Variants in ADAT2 observed in about 807,000 individuals in gnomAD.
The protein encoded by ADAT2 is adenosine deaminase tRNA specific 2, also known as tRNA-specific adenosine-34 deaminase catalytic subunit ADAT2.
A neutral mutation model predicts 25.9 loss-of-function variants in ADAT2; 26 were observed. The observed-to-expected ratio is 1.00, with a 90% CI of 0.74 to 1.39. The LOEUF is 1.39. Among genes scored for constraint, ADAT2 ranks in the 40% most tolerant of loss-of-function variants. The pLI is 0.00. For missense variants in ADAT2, 220 were observed against 244.8 expected (o/e 0.90, Z 0.68); for synonymous variants, 76 against 86.8 (o/e 0.88, Z 0.69).
chr6:143,433,745 A>G, intron 3 of ADAT2, 86 bp downstream of exon 3: 2 of 1,356,384 alleles, frequency 1.5e-6, no homozygotes, highest in Non-Finnish European at 2.0e-6. Flanking sequence ...CTGTGTTTTC[A>G]TATTTTGGAA....
Position 143,442,947 on chromosome 6 carries a change from A to G in ADAT2, c.97-4253T>C, listed in dbSNP as rs1455252840. ...TTTAACTCCAGCTATACTTTCCCCA[A>G]CAAACCTCTTAAGAGAGGTAATGTT... is the stretch of plus-strand genomic sequence containing the variant. On this transcript the variant is annotated intron_variant, in intron 1 of 5. Coordinates refer to ENST00000237283, the MANE Select transcript of ADAT2 (RefSeq NM_182503.3). The surrounding 1 kb of genome is among the most constrained non-coding windows in gnomAD (Gnocchi z 4.6). 6.6e-6 allele frequency among the ~76,000 whole-genome samples: 1 copy of G among 152,230 alleles called. No homozygotes were observed. Among genetic ancestry groups the G allele is most frequent in the East Asian group, 1.9e-4 (1 of 5,198 alleles).
rs1779339244 is a variant in ADAT2, at chr6:143,437,914, T to C, written c.201+676A>G. 6.6e-6 allele frequency among the ~76,000 whole-genome samples: 1 copy of C among 152,232 alleles called. No individual in the cohort carries two copies. The highest frequency in any genetic ancestry group is 1.5e-5 in the Non-Finnish European group (1 of 68,040). ...CAAGTATACTTATCATGACACACTA[T>C]TGTGATACCATGTTTAAGAAGCATT... On this transcript the variant is annotated intron_variant, in intron 2 of 5. Coordinates refer to ENST00000237283, the MANE Select transcript of ADAT2 (RefSeq NM_182503.3). The surrounding 1 kb of genome is among the most constrained non-coding windows in gnomAD (Gnocchi z 4.1).
In ADAT2 at chr6:143,432,692, C is replaced by T. The variant is rs1306834862; in HGVS notation, c.353-81G>A. On this transcript the variant is annotated intron_variant, in intron 3 of 5. Transcript: ENST00000237283. This position sits in a 1 kb window ranked among gnomAD's most constrained non-coding sequence, Gnocchi z 4.4. The stretch of plus-strand genomic sequence containing the variant: ...AAAATCAGAGTAGGTTTATACCAGC[C>T]ATCCTGGAGAGGAACGCTCATGCTA... 2.2e-6 allele frequency: 3 copies of T among 1,346,962 alleles called. No homozygotes were observed. The highest frequency in any genetic ancestry group is 3.2e-6 in the Non-Finnish European group (3 of 943,020). 83.4% of individuals were successfully genotyped at this position (1,346,962 alleles called of 1,614,324 possible).
chr6:143,450,412 T>G (rs1370284988), intron 1 of ADAT2, 151 bp downstream of exon 1: 1 of 796,524 alleles, frequency 1.3e-6, no homozygotes. Context: ...CTACAGAAAG[T>G]TTCGAGGCAG....
In ADAT2 at chr6:143,444,922, A is replaced by ATTT. The variant is rs1333964246; in HGVS notation, c.96+5640_96+5641insAAA. ...CATGATAAAAGGGGGAGAGATGGAA[A>ATTT]CAGACCTTGTTTGCACACAGTTTGA... On this transcript the variant is annotated intron_variant, in intron 1 of 5. Transcript: ENST00000237283. This position sits in a 1 kb window ranked among gnomAD's most constrained non-coding sequence, Gnocchi z 4.3. The ATTT allele has an allele frequency of 7.7e-7, 1 of 1,302,582 alleles. No individual in the cohort carries two copies. The highest frequency in any genetic ancestry group is 1.5e-5 in the African/African-American group (1 of 65,800). 80.7% of individuals were successfully genotyped at this position (1,302,582 alleles called of 1,614,324 possible). A position where few individuals can be genotyped will look rare whatever the true frequency, so the allele number is the denominator to read the frequency against.
intron 1 of ADAT2, chr6:143,441,829 G>A (rs1400604931): frequency 1.3e-5 from 2 of 152,164 alleles, no homozygotes; most frequent in South Asian, 2.1e-4. Context: ...GTAGAGAAAT[G>A]TCAACTAAAA....
intron 1 of ADAT2, chr6:143,441,905 T>A (rs1221518103): frequency 6.6e-6 from 1 of 152,198 alleles, no homozygotes; most frequent in African/African-American, 2.4e-5. Flanking sequence ...CAACATCAAA[T>A]GCTGGCAAGG....
intron 4 of ADAT2, among the ~76,000 whole-genome samples, chr6:143,431,688 T>C (rs1212522029): frequency 1.3e-5 from 2 of 152,238 alleles, no homozygotes; most frequent in Non-Finnish European, 2.9e-5. Flanking sequence ...TAGTCCTTCA[T>C]AGGTCCTTAA....
At chr6:143,447,185 C>T (rs903180826) in intron 1 of ADAT2, among the ~76,000 whole-genome samples, 14 of 152,312 alleles carry the variant, frequency 9.2e-5, no homozygotes, top group Middle Eastern at 6.8e-3. Flanking sequence ...TGGGTGCTGA[C>T]TACTTGAAAT....
In ADAT2 at chr6:143,424,456, A is replaced by G. The variant is rs1021547860; in HGVS notation, c.*4007T>C. 4 of 152,232 alleles carry G rather than the reference A, an allele frequency of 2.6e-5. No homozygotes were observed. The highest frequency in any genetic ancestry group is 2.6e-4 in the Admixed American group (4 of 15,282). 9.4% of individuals were successfully genotyped at this position (152,232 alleles called of 1,614,324 possible). ...ACATTTTGAAAGTAGCAGTGCTTAC[A>G]ACATTTTAAGTCTAGATGTCTCTAT... On this transcript the variant is annotated 3_prime_UTR_variant, in exon 6 of 6. Transcript: ENST00000237283. This position sits in a 1 kb window ranked among gnomAD's most constrained non-coding sequence, Gnocchi z 4.8.
chr6:143,450,675 G>A lies in ADAT2; in HGVS notation c.-17C>T. The A allele has an allele frequency of 1.2e-6, 2 of 1,611,654 alleles. No homozygotes were observed. The highest frequency in any genetic ancestry group is 1.7e-6 in the Non-Finnish European group (2 of 1,179,514). ...CGCCTCCATACCCAGCCACCACTCAGCTACAGAGCCCGCGGCAGAGGAGGA... is the reference window on the plus strand; with the variant it reads ...CGCCTCCATACCCAGCCACCACTCAACTACAGAGCCCGCGGCAGAGGAGGA... On this transcript the variant is annotated 5_prime_UTR_variant, in exon 1 of 6. Coordinates refer to ENST00000237283, the MANE Select transcript of ADAT2 (RefSeq NM_182503.3).
At chr6:143,443,762 C>A (rs1160762611) in intron 1 of ADAT2, among the ~76,000 whole-genome samples, 1 of 148,532 alleles carries the variant, frequency 6.7e-6, no homozygotes, top group African/African-American at 2.5e-5. Flanking sequence ...ACCCAGGAGG[C>A]GGAGGTTGCA....
At position 143,433,942 on chromosome 6, in the gene ADAT2, G is replaced by T. The variant is rs754557000; in HGVS notation, c.241C>A (p.Leu81Ile). ...TTGCCACTTTGACGACACCAATCGA[G>T]GACCTGATCGATGGCCACCATTTCT... is the stretch of plus-strand genomic sequence containing the variant. ...HAEMVAIDQV[L>I]DWCRQSGKSP... The change falls in exon 3 of 6, where the codon CTC becomes ATC. Residue 81 changes from leucine (L) to isoleucine (I), a missense_variant. Coordinates refer to ENST00000237283, the MANE Select transcript of ADAT2 (RefSeq NM_182503.3). The T allele has an allele frequency of 4.3e-6, 7 of 1,614,088 alleles. No individual in the cohort carries two copies. Among genetic ancestry groups the T allele is most frequent in the Non-Finnish European group, 5.9e-6 (7 of 1,180,012 alleles).
In ADAT2 at chr6:143,446,313, G is replaced by A. The variant is rs1488393673; in HGVS notation, c.96+4250C>T. 2.0e-5 allele frequency among the ~76,000 whole-genome samples: 3 copies of A among 151,850 alleles called. No individual in the cohort carries two copies. ...TAATATTTTTTCATCACATGATTTT[G>A]TAAAGGTTGTACAGTATTTCTCCTT... On this transcript the variant is annotated intron_variant, in intron 1 of 5. Transcript: ENST00000237283. This position sits in a 1 kb window ranked among gnomAD's most constrained non-coding sequence, Gnocchi z 5.0.
At position 143,449,807 on chromosome 6, in the gene ADAT2, T is replaced by G. The variant is rs1373234599; in HGVS notation, c.96+756A>C. ...CCAGAAGTCTACATAGAAACTAGGGTTGTCTACCTCCATACCACCCTGAAT... is the reference window on the plus strand; with the variant it reads ...CCAGAAGTCTACATAGAAACTAGGGGTGTCTACCTCCATACCACCCTGAAT... On this transcript the variant is annotated intron_variant, in intron 1 of 5. Coordinates refer to ENST00000237283, the MANE Select transcript of ADAT2 (RefSeq NM_182503.3). The G allele has an allele frequency of 2.0e-5, 3 of 152,132 alleles. No homozygotes were observed. The East Asian group carries it at 5.8e-4, about 29-fold the overall frequency. The allele number at this position is 152,132 out of a possible 1,614,324, so 9.4% of individuals were successfully genotyped here.
rs1779305120 is a variant in ADAT2 at position 143,436,946 on chromosome 6, AGTT to A, written c.201+1641_201+1643del. On this transcript the variant is annotated intron_variant, in intron 2 of 5. Transcript: ENST00000237283. This position sits in a 1 kb window ranked among gnomAD's most constrained non-coding sequence, Gnocchi z 4.1. ...TAAATTTAAAACTGATTCATTAAAA[AGTT>A]GTCTTTTTCAAGAATTCAAAGGACA... Among the ~76,000 whole-genome samples the A allele has an allele frequency of 6.6e-6, 1 of 152,220 alleles. No homozygotes were observed. The highest frequency in any genetic ancestry group is 2.4e-5 in the African/African-American group (1 of 41,470).
chr6:143,445,024 G>T, intron 1 of ADAT2: 1 of 1,162,536 alleles, frequency 8.6e-7, no homozygotes, highest in Non-Finnish European at 1.2e-6. Context: ...CTCTCAGGTA[G>T]AACATCATCC....
intron 1 of ADAT2, among the ~76,000 whole-genome samples, chr6:143,449,048 G>T (rs994217238): frequency 1.5e-5 from 2 of 133,984 alleles, no homozygotes; most frequent in Non-Finnish European, 3.4e-5. Context: ...CCTTTACTTT[G>T]TATCTTTTTC....
Position 143,446,352 on chromosome 6 carries a change from A to T in ADAT2, c.96+4211T>A, listed in dbSNP as rs1008856493. Among the ~76,000 whole-genome samples the T allele has an allele frequency of 6.6e-6, 1 of 152,096 alleles. No homozygotes were observed. Among genetic ancestry groups the T allele is most frequent in the African/African-American group, 2.4e-5 (1 of 41,414 alleles). On this transcript the variant is annotated intron_variant, in intron 1 of 5. Coordinates refer to ENST00000237283, the MANE Select transcript of ADAT2 (RefSeq NM_182503.3). This position sits in a 1 kb window ranked among gnomAD's most constrained non-coding sequence, Gnocchi z 5.0. ...GTATTTCTCCTTATGAACATATCTGATTCAACCAACTAGTCTCCTATTATT... is the reference window on the plus strand; with the variant it reads ...GTATTTCTCCTTATGAACATATCTGTTTCAACCAACTAGTCTCCTATTATT...
Sources: allele counts gnomAD v4.1 joint callset (sites outside exome capture counted in the v4.1 genomes callset), GRCh38; gene constraint gnomAD v4.1.1; non-coding constraint Gnocchi (gnomAD v3.1); transcripts MANE v1.5; gene names NCBI Gene and HGNC (gene_info 2026-07-23, HGNC 2026-07-21).